The following COMMD10 variants were observed in gnomAD, a reference collection of about 807,000 sequenced individuals.
The protein encoded by COMMD10 is COMM domain-containing protein 10.
Under a neutral mutation model 28.9 loss-of-function variants are expected in COMMD10, and 33 were observed. The observed-to-expected ratio is 1.14, with a 90% CI of 0.87 to 1.53. The LOEUF is 1.53. Ranked by LOEUF, COMMD10 falls within the 40% of genes most tolerant of loss-of-function variation. The pLI, the probability that COMMD10 is intolerant of heterozygous loss-of-function variation, is 0.00. For missense variants in COMMD10, 310 were observed against 233.4 expected (o/e 1.33, Z -2.14); for synonymous variants, 110 against 81.7 (o/e 1.35, Z -1.87).
intron 5 of COMMD10, among the ~76,000 whole-genome samples, chr5:116,193,130 A>G (rs1323140239): frequency 6.6e-6 from 1 of 152,206 alleles, no homozygotes; most frequent in Non-Finnish European, 1.5e-5. Context: ...CACCATTACC[A>G]AGCCACCACT....
chr5:116,210,795 T>A (rs1410841273), intron 5 of COMMD10, among the ~76,000 whole-genome samples: 1 of 152,160 alleles, frequency 6.6e-6, no homozygotes, highest in East Asian at 1.9e-4. Context: ...GTTAGGATTT[T>A]TCTTTTCACA....
At chr5:116,098,700 G>C (rs534616330) in intron 4 of COMMD10, among the ~76,000 whole-genome samples, 6 of 152,098 alleles carry the variant, frequency 3.9e-5, no homozygotes, top group African/African-American at 1.4e-4. Flanking sequence ...ACCAGCCCTC[G>C]CTAGATACTG....
At chr5:116,089,926 A>G (rs932329120) in intron 2 of COMMD10, among the ~76,000 whole-genome samples, 1 of 152,150 alleles carries the variant, frequency 6.6e-6, no homozygotes, top group African/African-American at 2.4e-5. Flanking sequence ...GGATCTGCCT[A>G]CTTTCATTTA....
chr5:116,118,832 G>A (rs1052819608), intron 4 of COMMD10, among the ~76,000 whole-genome samples: 11 of 152,110 alleles, frequency 7.2e-5, no homozygotes, highest in African/African-American at 2.2e-4. Context: ...CCCTTAATCA[G>A]TCTTATTTGA....
intron 4 of COMMD10, among the ~76,000 whole-genome samples, chr5:116,127,627 A>G (rs941383298): frequency 6.6e-6 from 1 of 152,068 alleles, no homozygotes. Context: ...TCCTTTGTAG[A>G]GACATGGATG....
chr5:116,274,388 G>C (rs902510019), intron 5 of COMMD10, among the ~76,000 whole-genome samples: 1 of 151,746 alleles, frequency 6.6e-6, no homozygotes, highest in African/African-American at 2.4e-5. Flanking sequence ...ACAAAAGTAG[G>C]CTTAGACACT....
intron 5 of COMMD10, among the ~76,000 whole-genome samples, chr5:116,171,972 T>C (rs921343263): frequency 1.6e-4 from 24 of 152,286 alleles, no homozygotes; most frequent in African/African-American, 5.5e-4. Context: ...ACTTAAATTA[T>C]AATAAAAAAA....
chr5:116,089,364 G>A (rs1284182850), intron 2 of COMMD10, among the ~76,000 whole-genome samples: 1 of 152,160 alleles, frequency 6.6e-6, no homozygotes, highest in Non-Finnish European at 1.5e-5. Context: ...CTTATTACAC[G>A]AAACCTCAGG....
At chr5:116,210,276 T>G (rs1001342801) in intron 5 of COMMD10, among the ~76,000 whole-genome samples, 1 of 151,984 alleles carries the variant, frequency 6.6e-6, no homozygotes, top group African/African-American at 2.4e-5. Context: ...AGTTATGTAT[T>G]TTGTTAAACT....
chr5:116,183,385 C>G (rs1748038584), intron 5 of COMMD10, among the ~76,000 whole-genome samples: 1 of 152,086 alleles, frequency 6.6e-6, no homozygotes, highest in Non-Finnish European at 1.5e-5. Flanking sequence ...GTTTAGCTAG[C>G]TCATGCCCTA....
intron 5 of COMMD10, among the ~76,000 whole-genome samples, chr5:116,139,122 T>C (rs542063269): frequency 1.3e-5 from 2 of 151,900 alleles, no homozygotes; most frequent in East Asian, 3.9e-4. Context: ...GTTGAAATTG[T>C]AATATGTGTA....
chr5:116,211,330 A>G (rs1407823905), intron 5 of COMMD10, among the ~76,000 whole-genome samples: 1 of 152,144 alleles, frequency 6.6e-6, no homozygotes, highest in Non-Finnish European at 1.5e-5. Flanking sequence ...ATGCTATATC[A>G]TATAGCCTGT....
intron 5 of COMMD10, among the ~76,000 whole-genome samples, chr5:116,274,166 A>G (rs76156484): frequency 0.018 from 2,670 of 151,952 alleles, 56 homozygotes; most frequent in Non-Finnish European, 0.028. Flanking sequence ...CAGCAGATTT[A>G]TACTTCTACT....
Position 116,258,672 on chromosome 5 carries a change from A to G in COMMD10, c.511-32845A>G, listed in dbSNP as rs190292463. ...ATTGCTAAAAAGATTTCTGATATCAATATAATTTTTGTACCACTGTAGATG... is the reference window on the plus strand; with the variant it reads ...ATTGCTAAAAAGATTTCTGATATCAGTATAATTTTTGTACCACTGTAGATG... On this transcript the variant is annotated intron_variant, in intron 5 of 6. Coordinates refer to ENST00000274458, the MANE Select transcript of COMMD10 (RefSeq NM_016144.4). Among the ~76,000 whole-genome samples the G allele has an allele frequency of 8.9e-4, 135 of 151,876 alleles. 6 individuals are homozygous for G. The highest frequency in any genetic ancestry group is 6.8e-3 in the Middle Eastern group (2 of 294).
chr5:116,182,855 G>A (rs991997291), intron 5 of COMMD10, among the ~76,000 whole-genome samples: 6 of 152,016 alleles, frequency 3.9e-5, no homozygotes, highest in Non-Finnish European at 8.8e-5. Flanking sequence ...ATTGGATCAT[G>A]GGGGCAGTTT....
intron 5 of COMMD10, among the ~76,000 whole-genome samples, chr5:116,147,331 A>G (rs1371209816): frequency 6.6e-6 from 1 of 151,856 alleles, no homozygotes; most frequent in African/African-American, 2.4e-5. Context: ...ATTATTCTTT[A>G]TCTCACGAAT....
At chr5:116,214,102 C>A (rs113142276) in intron 5 of COMMD10, among the ~76,000 whole-genome samples, 1 of 152,112 alleles carries the variant, frequency 6.6e-6, no homozygotes, top group Non-Finnish European at 1.5e-5. Flanking sequence ...TTCATTCTCT[C>A]TGAATTGGAC....
intron 5 of COMMD10, among the ~76,000 whole-genome samples, chr5:116,242,857 ATAATCGTTGG>A (rs962327384): frequency 6.6e-6 from 1 of 152,180 alleles, no homozygotes; most frequent in African/African-American, 2.4e-5. Context: ...AAAGTAAATA[ATAATCGTTGG>A]ATAGGCTTCA....
At chr5:116,182,125 A>C (rs1747986107) in intron 5 of COMMD10, among the ~76,000 whole-genome samples, 1 of 152,018 alleles carries the variant, frequency 6.6e-6, no homozygotes, top group Non-Finnish European at 1.5e-5. Flanking sequence ...TGAAATTGAG[A>C]CCCACAGAAG....
Sources: gnomAD v4.1 joint callset for allele counts (sites outside exome capture counted in the v4.1 genomes callset) on GRCh38, gnomAD v4.1.1 for gene constraint, MANE v1.5 for transcripts, NCBI Gene and HGNC (gene_info 2026-07-23, HGNC 2026-07-21) for gene names.